The following PADI4 variants were observed in gnomAD, a reference collection of about 807,000 sequenced individuals.
PADI4 encodes the protein protein-arginine deiminase type-4.
A neutral mutation model predicts 75.0 loss-of-function variants in PADI4; 62 were observed. The ratio of observed to expected loss-of-function variants is 0.83; its 90% CI spans 0.67 to 1.02. The LOEUF (loss-of-function observed/expected upper bound fraction) is 1.02. Among genes scored for constraint, PADI4 ranks in the 50% least tolerant of loss-of-function variants. The pLI is 0.00. For missense variants in PADI4, 845 were observed against 850.5 expected, an observed-to-expected ratio of 0.99 and a Z score of 0.08; for synonymous variants, 361 against 348.1, an observed-to-expected ratio of 1.04 and a Z score of -0.41.
chr1:17,351,427 CAA>C (rs557108589), intron 10 of PADI4, among the ~76,000 whole-genome samples: 4,925 of 101,362 alleles, frequency 0.049, 136 homozygotes, highest in African/African-American at 0.098. Flanking sequence ...CCTGTCTCTA[CAA>C]AAAAAAAAAA....
intron 15 of PADI4, among the ~76,000 whole-genome samples, chr1:17,362,334 A>G (rs568200787): frequency 5.5e-5 from 8 of 145,224 alleles, no homozygotes; most frequent in Admixed American, 3.5e-4. Context: ...GCCTGGGTGA[A>G]GAGTAAGACC....
chr1:17,362,675 C>A (rs558842224), intron 15 of PADI4, among the ~76,000 whole-genome samples: 1 of 152,006 alleles, frequency 6.6e-6, no homozygotes, highest in Admixed American at 6.6e-5. Context: ...GCATATGTAC[C>A]CCCAAATCTA....
intron 3 of PADI4, among the ~76,000 whole-genome samples, 155 bp downstream of exon 3, chr1:17,334,164 C>T (rs1241449273): frequency 6.6e-6 from 1 of 152,076 alleles, no homozygotes; most frequent in African/African-American, 2.4e-5. Context: ...TCTGGGAGTT[C>T]GAAATATTCC....
intron 10 of PADI4, among the ~76,000 whole-genome samples, chr1:17,351,526 T>G (rs530126247): frequency 6.6e-6 from 1 of 151,136 alleles, no homozygotes; most frequent in East Asian, 1.9e-4. Flanking sequence ...GGCAGGACCC[T>G]TGAACCCTGA....
intron 9 of PADI4, among the ~76,000 whole-genome samples, chr1:17,347,009 C>T (rs919097780): frequency 6.6e-6 from 1 of 151,816 alleles, no homozygotes; most frequent in Non-Finnish European, 1.5e-5. Context: ...TCGATCTCGG[C>T]TCATCACAAC....
Position 17,356,081 on chromosome 1 carries a change from G to A in PADI4, c.1409G>A (p.Gly470Asp). 6.2e-7 allele frequency: 1 copy of A among 1,614,190 alleles called. No homozygotes were observed. The highest frequency in any genetic ancestry group is 8.5e-7 in the Non-Finnish European group (1 of 1,180,020). Residue 470 changes from glycine to aspartate, a missense_variant, in exon 12 of 16, where the codon GGC (glycine) becomes GAC (aspartate). Physicochemically the swap from Gly to Asp is moderately conservative, Grantham distance 94. Transcript: ENST00000375448. This position sits in a 1 kb window ranked among gnomAD's most constrained non-coding sequence, Gnocchi z 4.1. The part of the protein sequence containing the change: ...VKLYSDWLSV[G>D]HVDEFLSFVP... ...CTCTATTCTGACTGGCTGTCCGTGG[G>A]CCACGTGGACGAGTTCCTGAGCTTT...
intron 1 of PADI4, among the ~76,000 whole-genome samples, chr1:17,311,166 G>T (rs1325190180): frequency 6.6e-6 from 1 of 152,084 alleles, no homozygotes; most frequent in Non-Finnish European, 1.5e-5. Context: ...AGGAGGCTGA[G>T]GCACAAGAGT....
intron 1 of PADI4, among the ~76,000 whole-genome samples, chr1:17,310,202 ATGT>A (rs137954949): frequency 0.017 from 2,647 of 152,228 alleles, 73 homozygotes; most frequent in African/African-American, 0.06. Flanking sequence ...GAGGCAGGTA[ATGT>A]TGTTATTCCC....
chr1:17,356,251 G>A lies in PADI4; in HGVS notation c.1456-106G>A. 3.1e-6 allele frequency: 4 copies of A among 1,303,370 alleles called. No homozygotes were observed. The highest frequency in any genetic ancestry group is 4.3e-6 in the Non-Finnish European group (4 of 937,282). 80.7% of individuals were successfully genotyped at this position (1,303,370 alleles called of 1,614,324 possible). On this transcript the variant is annotated intron_variant, in intron 12 of 15. Transcript: ENST00000375448. This position sits in a 1 kb window ranked among gnomAD's most constrained non-coding sequence, Gnocchi z 4.1. ...CCTTAGGATGGCAGTAGAGGAGGTG[G>A]CCAGCTTGGGTCCAAGTCCACACTA...
In PADI4 at chr1:17,331,016, G is replaced by T; in HGVS notation, c.140G>T (p.Gly47Val). Reference sequence around the variant, plus strand: ...TCCTTCAGCATCAACGCCTCCCCAGGGGTGGTCGTGGATATTGCCCACGGC... The same window carrying T: ...TCCTTCAGCATCAACGCCTCCCCAGTGGTGGTCGTGGATATTGCCCACGGC... ...CTSFSINASP[G>V]VVVDIAHGPP... The change falls in exon 2 of 16, where the codon GGG becomes GTG. Residue 47 changes from glycine to valine, a missense_variant. Physicochemically the swap from Gly to Val is moderately radical, Grantham distance 109 (BLOSUM62 -3). Coordinates refer to ENST00000375448, the MANE Select transcript of PADI4 (RefSeq NM_012387.3). The T allele has an allele frequency of 6.2e-7, 1 of 1,605,168 alleles. No individual in the cohort carries two copies. Among genetic ancestry groups the T allele is most frequent in the Non-Finnish European group, 8.5e-7 (1 of 1,176,182 alleles).
chr1:17,321,137 T>A (rs2074025570), intron 1 of PADI4, among the ~76,000 whole-genome samples: 1 of 152,142 alleles, frequency 6.6e-6, no homozygotes, highest in South Asian at 2.1e-4. Context: ...AAGGGAGGAT[T>A]CGATGGCAGA....
intron 10 of PADI4, among the ~76,000 whole-genome samples, chr1:17,348,483 C>T (rs2074559880): frequency 6.6e-6 from 1 of 152,144 alleles, no homozygotes; most frequent in Admixed American, 6.5e-5. Context: ...GATCAGTGGT[C>T]ATTTCCTGGG....
intron 1 of PADI4, among the ~76,000 whole-genome samples, chr1:17,326,876 G>T (rs1315631614): frequency 6.8e-6 from 1 of 145,986 alleles, no homozygotes; most frequent in South Asian, 2.2e-4. Context: ...CCCTATGAAT[G>T]TATTTCTATT....
chr1:17,330,993 C>T lies in PADI4; in HGVS notation c.117C>T (p.Ser39=). ...GCTCTGCCCCTGAGGACTGCACGTC[C>T]TTCAGCATCAACGCCTCCCCAGGGG... ...ICSSAPEDCT[S]FSINASPGVV... is the part of the protein sequence containing the mutation. Residue 39 remains serine, a synonymous_variant, in exon 2 of 16, where the codon TCC becomes TCT. Coordinates refer to ENST00000375448, the MANE Select transcript of PADI4 (RefSeq NM_012387.3). 1 of 1,592,740 alleles carries T rather than the reference C, an allele frequency of 6.3e-7. No individual in the cohort carries two copies. Among genetic ancestry groups the T allele is most frequent in the Non-Finnish European group, 8.5e-7 (1 of 1,171,958 alleles).
At chr1:17,333,024 G>A (rs1319444195) in intron 2 of PADI4, among the ~76,000 whole-genome samples, 1 of 152,204 alleles carries the variant, frequency 6.6e-6, no homozygotes, top group African/African-American at 2.4e-5. Flanking sequence ...GAAGGAGTCA[G>A]TTTGAAGAGT....
At chr1:17,317,703 A>T (rs1470082279) in intron 1 of PADI4, among the ~76,000 whole-genome samples, 4 of 152,186 alleles carry the variant, frequency 2.6e-5, no homozygotes, top group African/African-American at 9.6e-5. Context: ...AGTGTGTATC[A>T]AAAGCATCTG....
In PADI4 at chr1:17,363,506, C is replaced by G. The variant is rs2074875877; in HGVS notation, c.1759-16C>G. Reference sequence around the variant, plus strand: ...GCCCGCTGCTGCCTGTGACCTGAACCCTCACTTCCCTGCAGGTGAACATGC... The same window carrying G: ...GCCCGCTGCTGCCTGTGACCTGAACGCTCACTTCCCTGCAGGTGAACATGC... On this transcript the variant is annotated splice_polypyrimidine_tract_variant and intron_variant, in intron 15 of 15. Transcript: ENST00000375448. The G allele has an allele frequency of 6.3e-7, 1 of 1,585,798 alleles. No individual in the cohort carries two copies.
chr1:17,323,507 GA>G (rs1329347516), intron 1 of PADI4, among the ~76,000 whole-genome samples: 1 of 152,086 alleles, frequency 6.6e-6, no homozygotes, highest in Admixed American at 6.6e-5. Context: ...TCTTAATATA[GA>G]GACAAATATT....
rs2074516408 is a variant in PADI4, at chr1:17,346,357, G to A, written c.1047+218G>A. ...ACTGCAGGCCCACTGCAGTCACCAA[G>A]ATGAAGCCACCTTCCTGCTTGAAAA... On this transcript the variant is annotated intron_variant, in intron 9 of 15. Coordinates refer to ENST00000375448, the MANE Select transcript of PADI4 (RefSeq NM_012387.3). This position sits in a 1 kb window ranked among gnomAD's most constrained non-coding sequence, Gnocchi z 4.3. Among the ~76,000 whole-genome samples the A allele has an allele frequency of 6.6e-6, 1 of 152,212 alleles. No individual in the cohort carries two copies. The highest frequency in any genetic ancestry group is 2.4e-5 in the African/African-American group (1 of 41,460).
Sources: allele counts gnomAD v4.1 joint callset (sites outside exome capture counted in the v4.1 genomes callset), GRCh38; gene constraint gnomAD v4.1.1; non-coding constraint Gnocchi (gnomAD v3.1); transcripts MANE v1.5; gene names NCBI Gene and HGNC (gene_info 2026-07-23, HGNC 2026-07-21).